Variants in SLC26A5 observed in about 807,000 individuals in gnomAD.
SLC26A5 encodes solute carrier family 26 member 5.
A neutral mutation model predicts 81.0 loss-of-function variants in SLC26A5; 51 were observed. The ratio of observed to expected loss-of-function variants is 0.63; its 90% CI spans 0.50 to 0.80. The LOEUF is 0.80. Among genes scored for constraint, SLC26A5 ranks in the 30% least tolerant of loss-of-function variants. SLC26A5 has a pLI of 0.00. For missense variants in SLC26A5, 771 were observed against 905.8 expected (o/e 0.85, Z 1.91); for synonymous variants, 325 against 332.8 (o/e 0.98, Z 0.25).
intron 2 of SLC26A5, among the ~76,000 whole-genome samples, chr7:103,422,589 T>C (rs1825431724): frequency 6.6e-6 from 1 of 152,036 alleles, no homozygotes; most frequent in Admixed American, 6.6e-5. Flanking sequence ...GAGAGGGAAA[T>C]GAGACTAAGA....
At chr7:103,372,434 A>G (rs191177727), downstream of SLC26A5, among the ~76,000 whole-genome samples, 1 of 152,370 alleles carries the variant, frequency 6.6e-6, no homozygotes, top group East Asian at 1.9e-4. Context: ...CAAACTCACT[A>G]TCAGCAGGAA....
At chr7:103,374,713 T>G (rs1452115052) in intron 19 of SLC26A5, 121 bp from the exon 20 acceptor site, 6 of 1,032,368 alleles carry the variant, frequency 5.8e-6, no homozygotes, top group Non-Finnish European at 8.3e-6. Flanking sequence ...TTCTTTTTTT[T>G]TTTTGAGACA....
intron 2 of SLC26A5, among the ~76,000 whole-genome samples, chr7:103,442,274 A>G (rs937177667): frequency 6.6e-6 from 1 of 151,938 alleles, no homozygotes; most frequent in African/African-American, 2.4e-5. Flanking sequence ...AGTAGTTGGG[A>G]TTACAGGCAT....
intron 8 of SLC26A5, among the ~76,000 whole-genome samples, chr7:103,401,855 T>C (rs1281294288): frequency 2.0e-5 from 3 of 152,204 alleles, no homozygotes; most frequent in Admixed American, 6.5e-5. Flanking sequence ...TGATGGACTA[T>C]GTTTATTGAT....
rs1822565940 is a variant in SLC26A5, at chr7:103,390,625, A to C, written c.1234-119T>G. On this transcript the variant is annotated intron_variant, in intron 11 of 19. Transcript: ENST00000306312. The stretch of plus-strand genomic sequence containing the variant: ...GAAGATCAAGAAAATATGGATTCAA[A>C]TAAGTCAACTAAACCACTACATAAC... The C allele has an allele frequency of 3.6e-6, 3 of 826,984 alleles. No individual in the cohort carries two copies. In the Admixed American group the frequency reaches 5.6e-5, roughly 15 times the overall value. The allele number at this position is 826,984 out of a possible 1,614,324, so 51.2% of individuals were successfully genotyped here.
intron 19 of SLC26A5, among the ~76,000 whole-genome samples, chr7:103,357,885 A>T (rs1460468103): frequency 6.6e-6 from 1 of 151,728 alleles, no homozygotes; most frequent in Non-Finnish European, 1.5e-5. Context: ...TCTCAGTTAT[A>T]CCTTAGTTGC....
chr7:103,439,913 T>TA (rs1826751419), intron 2 of SLC26A5, among the ~76,000 whole-genome samples: 1 of 152,186 alleles, frequency 6.6e-6, no homozygotes, highest in Non-Finnish European at 1.5e-5. Context: ...TACTCCCAGA[T>TA]AGACTCGTAA....
At chr7:103,364,445 G>T (rs1196741012) in intron 19 of SLC26A5, 2 of 951,434 alleles carry the variant, frequency 2.1e-6, no homozygotes, top group East Asian at 5.5e-5. Context: ...GTCTCATTGT[G>T]TTGCCCAGGC....
intron 19 of SLC26A5, among the ~76,000 whole-genome samples, chr7:103,374,859 C>G (rs908784103): frequency 6.6e-6 from 1 of 151,086 alleles, no homozygotes; most frequent in Non-Finnish European, 1.5e-5. Flanking sequence ...ATTCATGTCT[C>G]CACCCTTCAT....
chr7:103,371,664 G>A (rs1821047000), downstream of SLC26A5, among the ~76,000 whole-genome samples: 1 of 149,366 alleles, frequency 6.7e-6, no homozygotes, highest in Non-Finnish European at 1.5e-5. Flanking sequence ...TATCTGCTAA[G>A]TGGAAGGCTG....
Position 103,421,577 on chromosome 7 carries a change from A to G in SLC26A5, c.-53-10T>C. 1 of 1,569,720 alleles carries G rather than the reference A, an allele frequency of 6.4e-7. No homozygotes were observed. ...CATTTCCTGAGTGTCACTAGGGGAAAAAAGAAAAACTCCATTTTACTTGCC... is the reference window on the plus strand; with the variant it reads ...CATTTCCTGAGTGTCACTAGGGGAAGAAAGAAAAACTCCATTTTACTTGCC... On this transcript the variant is annotated splice_polypyrimidine_tract_variant and intron_variant, in intron 2 of 19. Transcript: ENST00000306312.
chr7:103,373,802 G>T (rs944247725), downstream of SLC26A5, among the ~76,000 whole-genome samples: 5 of 152,130 alleles, frequency 3.3e-5, no homozygotes, highest in African/African-American at 1.2e-4. Context: ...GTATATGTAT[G>T]GAAAAAGATC....
intron 9 of SLC26A5, among the ~76,000 whole-genome samples, chr7:103,394,645 C>G (rs900421098): frequency 5.9e-5 from 9 of 152,272 alleles, no homozygotes; most frequent in Admixed American, 5.9e-4. Context: ...GAAGAACCTG[C>G]TTGTCTACAG....
At position 103,411,293 on chromosome 7, in the gene SLC26A5, C is replaced by T. The variant is rs924124521; in HGVS notation, c.570+127G>A. ...ATGGCATGCAGTTGGTCTGCAGTTA[C>T]TCCCAGAGCTCTGGGGTTTTTCTGG... On this transcript the variant is annotated intron_variant, in intron 6 of 19. Coordinates refer to ENST00000306312, the MANE Select transcript of SLC26A5 (RefSeq NM_198999.3). 12 of 1,044,998 alleles carry T rather than the reference C, an allele frequency of 1.1e-5. No homozygotes were observed. The African/African-American group carries it at 1.7e-4, about 15-fold the overall frequency. 64.7% of individuals were successfully genotyped at this position (1,044,998 alleles called of 1,614,324 possible). A position where few individuals can be genotyped will look rare whatever the true frequency, so the allele number is the denominator to read the frequency against.
At chr7:103,408,946 T>A (rs113601547) in intron 7 of SLC26A5, among the ~76,000 whole-genome samples, 136 of 152,336 alleles carry the variant, frequency 8.9e-4, no homozygotes, top group African/African-American at 3.1e-3. Flanking sequence ...TGACAAGGCA[T>A]TTCGACAAGT....
Position 103,420,666 on chromosome 7 carries a change from T to G in SLC26A5, c.292+72A>C. 1.9e-6 allele frequency: 3 copies of G among 1,572,376 alleles called. No individual in the cohort carries two copies. The Admixed American group carries it at 5.1e-5, about 27-fold the overall frequency. The stretch of plus-strand genomic sequence containing the variant: ...GATAAAAATTATGAATTTGCAATCA[T>G]GATGAAATAAACAGAAGGTCAAGCA... On this transcript the variant is annotated intron_variant, in intron 4 of 19. Transcript: ENST00000306312.
intron 2 of SLC26A5, among the ~76,000 whole-genome samples, chr7:103,430,235 T>C (rs1825975818): frequency 1.3e-5 from 2 of 152,076 alleles, no homozygotes; most frequent in Non-Finnish European, 2.9e-5. Flanking sequence ...CATGCCACCA[T>C]ACCTGGCTAA....
chr7:103,388,829 T>G (rs563072533), intron 14 of SLC26A5, 179 bp downstream of exon 14: 35 of 593,542 alleles, frequency 5.9e-5, no homozygotes, highest in Middle Eastern at 4.6e-4. Flanking sequence ...TATGGAATTT[T>G]TAAATTGGCA....
chr7:103,398,153 G>C, intron 8 of SLC26A5, 139 bp from the exon 9 acceptor site: 1 of 733,992 alleles, frequency 1.4e-6, no homozygotes, highest in Non-Finnish European at 2.4e-6. Context: ...TTTACCATTA[G>C]CTTCAACAAT....
Sources: allele counts gnomAD v4.1 joint callset (sites outside exome capture counted in the v4.1 genomes callset), GRCh38; gene constraint gnomAD v4.1.1; transcripts MANE v1.5; gene names NCBI Gene and HGNC (gene_info 2026-07-23, HGNC 2026-07-21).